Variants in KIF26B observed in about 807,000 individuals in gnomAD.
The protein encoded by KIF26B is kinesin-like protein KIF26B.
KIF26B carries 63 observed loss-of-function variants against 151.2 expected under a neutral mutation model. That is an observed-to-expected ratio of 0.42 (90% confidence interval 0.34 to 0.51). KIF26B has a LOEUF of 0.51. KIF26B is among the 20% of genes least tolerant of loss of function. The probability of loss-of-function intolerance (pLI) is 0.07; values close to 1 mark genes in which losing one functional copy is unlikely to be tolerated. For synonymous variants in KIF26B, 1,357 were observed against 1,262.1 expected, an observed-to-expected ratio of 1.08 and a Z score of -1.59; for missense variants, 2,813 against 2,913.6, an observed-to-expected ratio of 0.97 and a Z score of 0.79.
At chr1:245,587,930 C>T (rs1468554033) in intron 5 of KIF26B, among the ~76,000 whole-genome samples, 1 of 152,220 alleles carries the variant, frequency 6.6e-6, no homozygotes, top group Non-Finnish European at 1.5e-5. Context: ...CGTCCCAGCA[C>T]ATGATAAATG....
intron 2 of KIF26B, among the ~76,000 whole-genome samples, chr1:245,156,899 T>A (rs1668447562): frequency 6.6e-6 from 1 of 152,100 alleles, no homozygotes; most frequent in Non-Finnish European, 1.5e-5. Flanking sequence ...GAGGACCGAG[T>A]CCCGAGCGCG....
Position 245,277,662 on chromosome 1 carries a change from C to A in KIF26B, c.466-89172C>A, listed in dbSNP as rs552930041. On this transcript the variant is annotated intron_variant, in intron 2 of 14. Transcript: ENST00000407071. Reference sequence around the variant, plus strand: ...CCACTTAAAAAAAAAGTAAAAGAAACGTCCTAAAAGCTACAGGTTGCATTC... The same window carrying A: ...CCACTTAAAAAAAAAGTAAAAGAAAAGTCCTAAAAGCTACAGGTTGCATTC... Among the ~76,000 whole-genome samples the A allele has an allele frequency of 6.6e-4, 101 of 152,234 alleles. 1 individual carries two copies. Among genetic ancestry groups the A allele is most frequent in the African/African-American group, 2.4e-3 (100 of 41,546 alleles).
At chr1:245,446,247 G>T (rs2103050405) in intron 4 of KIF26B, among the ~76,000 whole-genome samples, 1 of 152,264 alleles carries the variant, frequency 6.6e-6, no homozygotes, top group South Asian at 2.1e-4. Context: ...TGAACATAAA[G>T]AAGGTATAGC....
chr1:245,169,519 G>A (rs1028781021), intron 2 of KIF26B, among the ~76,000 whole-genome samples: 6 of 152,174 alleles, frequency 3.9e-5, no homozygotes, highest in Non-Finnish European at 7.3e-5. Context: ...GCATTCAGCA[G>A]AGAAGGATGG....
At chr1:245,253,927 A>C (rs1481005643) in intron 2 of KIF26B, among the ~76,000 whole-genome samples, 1 of 147,992 alleles carries the variant, frequency 6.8e-6, no homozygotes, top group Non-Finnish European at 1.5e-5. Flanking sequence ...CTCCTGCCTC[A>C]GCCTCCCGAG....
At chr1:245,184,050 G>GTTTTTTGTTTTTTTTGTTTTTTT (rs1553332272) in intron 2 of KIF26B, among the ~76,000 whole-genome samples, 1 of 19,810 alleles carries the variant, frequency 5.0e-5, no homozygotes, top group Non-Finnish European at 9.9e-5. Flanking sequence ...GGGAGTTGTT[G>GTTTTTTGTTTTTTTTGTTTTTTT]TTTTTTTTTT....
intron 2 of KIF26B, among the ~76,000 whole-genome samples, chr1:245,332,256 G>A (rs1230216249): frequency 6.6e-6 from 1 of 152,216 alleles, no homozygotes; most frequent in East Asian, 1.9e-4. Flanking sequence ...GGAGGAGTGT[G>A]TAGGCCAACC....
intron 3 of KIF26B, among the ~76,000 whole-genome samples, chr1:245,402,018 G>A (rs1374166437): frequency 3.3e-5 from 5 of 152,132 alleles, no homozygotes; most frequent in Admixed American, 2.6e-4. Context: ...GCAGGGCTGG[G>A]GCTCCTGGCC....
chr1:245,568,783 A>T (rs2043036592), intron 5 of KIF26B, among the ~76,000 whole-genome samples: 1 of 152,226 alleles, frequency 6.6e-6, no homozygotes, highest in Admixed American at 6.5e-5. Flanking sequence ...AGGGTCAAGG[A>T]TATGGGAAAT....
At chr1:245,555,532 G>A (rs1195817057) in intron 5 of KIF26B, among the ~76,000 whole-genome samples, 2 of 152,152 alleles carry the variant, frequency 1.3e-5, no homozygotes, top group Non-Finnish European at 2.9e-5. Context: ...CGGGCGGTTG[G>A]GGGTCAGGAA....
chr1:245,573,789 G>A (rs550544243), intron 5 of KIF26B, among the ~76,000 whole-genome samples: 1 of 152,234 alleles, frequency 6.6e-6, no homozygotes, highest in East Asian at 1.9e-4. Context: ...ACCGAGCCCT[G>A]TATGTGCTGT....
At chr1:245,164,757 G>A (rs1214509029) in intron 2 of KIF26B, among the ~76,000 whole-genome samples, 1 of 152,222 alleles carries the variant, frequency 6.6e-6, no homozygotes, top group African/African-American at 2.4e-5. Flanking sequence ...TGAAGGGAGT[G>A]AAATGATCAG....
In KIF26B at chr1:245,619,728, C is replaced by T. The variant is rs1245923738; in HGVS notation, c.2098+7752C>T. ...AGGAGTTCAAGACCAGCGTGGCCAA[C>T]GTAGTGAAACCTCGTCTCTACTAAA... On this transcript the variant is annotated intron_variant, in intron 9 of 14. Coordinates refer to ENST00000407071, the MANE Select transcript of KIF26B (RefSeq NM_018012.4). Among the ~76,000 whole-genome samples, 4 of 151,684 alleles carry T rather than the reference C, an allele frequency of 2.6e-5. No homozygotes were observed. The South Asian group carries it at 8.3e-4, about 32-fold the overall frequency.
At chr1:245,636,656 C>T (rs2043837251) in intron 9 of KIF26B, among the ~76,000 whole-genome samples, 2 of 151,966 alleles carry the variant, frequency 1.3e-5, no homozygotes, top group Non-Finnish European at 2.9e-5. Context: ...TACCCTCTGC[C>T]CTTCCCTTCC....
At chr1:245,679,685 T>C (rs1364839116) in intron 10 of KIF26B, among the ~76,000 whole-genome samples, 3 of 152,024 alleles carry the variant, frequency 2.0e-5, no homozygotes, top group Non-Finnish European at 2.9e-5. Flanking sequence ...GCCAGGCTGG[T>C]CTCAAACTCC....
rs1668695629 is a variant in KIF26B, at chr1:245,170,816, G to A, written c.465+14133G>A. Among the ~76,000 whole-genome samples the A allele has an allele frequency of 6.6e-6, 1 of 152,156 alleles. No homozygotes were observed. Among genetic ancestry groups the A allele is most frequent in the Non-Finnish European group, 1.5e-5 (1 of 68,030 alleles). On this transcript the variant is annotated intron_variant, in intron 2 of 14. Transcript: ENST00000407071. The surrounding 1 kb of genome is among the most constrained non-coding windows in gnomAD (Gnocchi z 4.4). Reference sequence around the variant, plus strand: ...GGGGTTAGGTTTCAACATGATTTTGGGGAGAACATAAGCGTTCAGTCTGTT... The same window carrying A: ...GGGGTTAGGTTTCAACATGATTTTGAGGAGAACATAAGCGTTCAGTCTGTT...
chr1:245,345,364 C>T (rs958497500), intron 2 of KIF26B, among the ~76,000 whole-genome samples: 2 of 152,180 alleles, frequency 1.3e-5, no homozygotes, highest in African/African-American at 4.8e-5. Flanking sequence ...CTAACCACCT[C>T]GAGCCTTGCG....
At chr1:245,261,467 TTCTCTCTCTCTCTCTCTCTCTC>T (rs376897211) in intron 2 of KIF26B, among the ~76,000 whole-genome samples, 2 of 112,162 alleles carry the variant, frequency 1.8e-5, no homozygotes, top group South Asian at 3.6e-4. Flanking sequence ...TTTTCTTTCT[TTCTCTCTCTCTCTCTCTCTCTC>T]TCTCTCTCTC....
At position 245,686,966 on chromosome 1, in the gene KIF26B, T is replaced by G. The variant is rs2044534927; in HGVS notation, c.3983T>G (p.Val1328Gly). ...AGCAGCCTCCAGAACACCGCTGTGG[T>G]GTGCAGAGAGAAGCCCAAGGCCAGC... is the stretch of plus-strand genomic sequence containing the variant. ...FVSSLQNTAVVCREKPKASPD... is the reference protein window; with the variant it reads ...FVSSLQNTAVGCREKPKASPD... The change falls in exon 12 of 15, where the codon GTG becomes GGG. Residue 1328 changes from valine to glycine, a missense_variant. This residue lies in a region of KIF26B where 2,060 missense variants were observed against 2,088.6 expected (regional missense o/e 0.99). Transcript: ENST00000407071. This position sits in a 1 kb window ranked among gnomAD's most constrained non-coding sequence, Gnocchi z 5.6. 3 of 1,613,370 alleles carry G rather than the reference T, an allele frequency of 1.9e-6. No homozygotes were observed. The highest frequency in any genetic ancestry group is 2.5e-6 in the Non-Finnish European group (3 of 1,179,818).
Sources: allele counts gnomAD v4.1 joint callset (sites outside exome capture counted in the v4.1 genomes callset), GRCh38; gene constraint gnomAD v4.1.1; regional missense constraint gnomAD v4.1.1; non-coding constraint Gnocchi (gnomAD v3.1); transcripts MANE v1.5; gene names NCBI Gene and HGNC (gene_info 2026-07-23, HGNC 2026-07-21).